The following MBD5 variants were observed in gnomAD, a reference collection of about 807,000 sequenced individuals.
The protein encoded by MBD5 is methyl-CpG-binding domain protein 5.
Under a neutral mutation model 117.3 loss-of-function variants are expected in MBD5, and 13 were observed. The observed-to-expected ratio is 0.11, with a 90% CI of 0.07 to 0.18. MBD5 has a LOEUF of 0.18. Among genes scored for constraint, MBD5 ranks in the 10% least tolerant of loss-of-function variants. MBD5 has a pLI of 1.00. For synonymous variants in MBD5, 727 were observed against 766.4 expected (o/e 0.95, Z 0.85); for missense variants, 1,879 against 2,093.8 (o/e 0.90, Z 2.00).
chr2:148,375,440 A>G (rs1703964604), intron 4 of MBD5, among the ~76,000 whole-genome samples: 1 of 152,182 alleles, frequency 6.6e-6, no homozygotes, highest in Non-Finnish European at 1.5e-5. Flanking sequence ...CTATGCACGA[A>G]TCTGAACACC....
At chr2:148,119,670 A>G (rs972675005) in intron 1 of MBD5, among the ~76,000 whole-genome samples, 1 of 152,068 alleles carries the variant, frequency 6.6e-6, no homozygotes, top group Non-Finnish European at 1.5e-5. Context: ...ATTTTGAGTT[A>G]ATTTTTATGT....
intron 3 of MBD5, among the ~76,000 whole-genome samples, chr2:148,311,218 G>T (rs1220910389): frequency 6.6e-6 from 1 of 152,080 alleles, no homozygotes; most frequent in African/African-American, 2.4e-5. Flanking sequence ...TTTCTGTCTA[G>T]CTGATCTGTC....
chr2:148,432,425 A>G (rs919656909), intron 4 of MBD5, among the ~76,000 whole-genome samples: 1 of 151,950 alleles, frequency 6.6e-6, no homozygotes, highest in Non-Finnish European at 1.5e-5. Context: ...TGCTGTGTTC[A>G]TCATGAAATC....
chr2:148,229,027 T>G (rs1699914034), intron 2 of MBD5, among the ~76,000 whole-genome samples: 1 of 152,168 alleles, frequency 6.6e-6, no homozygotes, highest in Admixed American at 6.5e-5. Context: ...TTGCTAGTGG[T>G]CTATCAATTT....
At chr2:148,108,584 A>G (rs1169994826) in intron 1 of MBD5, among the ~76,000 whole-genome samples, 1 of 152,056 alleles carries the variant, frequency 6.6e-6, no homozygotes, top group Non-Finnish European at 1.5e-5. Flanking sequence ...CTGATTCAGC[A>G]AATATTCTCA....
At chr2:148,236,097 C>T (rs1396062197) in intron 3 of MBD5, among the ~76,000 whole-genome samples, 1 of 152,086 alleles carries the variant, frequency 6.6e-6, no homozygotes, top group Non-Finnish European at 1.5e-5. Context: ...CCATACTGGC[C>T]TCCTTTTGAT....
chr2:148,199,713 T>C (rs957861563), intron 2 of MBD5, among the ~76,000 whole-genome samples: 3 of 151,986 alleles, frequency 2.0e-5, no homozygotes, highest in Non-Finnish European at 2.9e-5. Flanking sequence ...TGAGCCAAGA[T>C]TGCGCCACTG....
At chr2:148,370,579 A>T (rs772799398) in intron 4 of MBD5, among the ~76,000 whole-genome samples, 36 of 152,056 alleles carry the variant, frequency 2.4e-4, no homozygotes, top group Non-Finnish European at 4.9e-4. Context: ...ACCTCTGCCC[A>T]CTGGGCTCAA....
chr2:148,389,491 C>A (rs1432834373), intron 4 of MBD5, among the ~76,000 whole-genome samples: 1 of 151,136 alleles, frequency 6.6e-6, no homozygotes, highest in Non-Finnish European at 1.5e-5. Flanking sequence ...TATTTTTGTT[C>A]TTTGAGAAAT....
intron 1 of MBD5, among the ~76,000 whole-genome samples, chr2:148,090,734 A>T (rs112012808): frequency 1.1e-4 from 17 of 152,278 alleles, no homozygotes; most frequent in African/African-American, 2.2e-4. Flanking sequence ...CACAGCCAAC[A>T]TCATATGGAA....
intron 13 of MBD5, among the ~76,000 whole-genome samples, chr2:148,511,934 C>T (rs959396675): frequency 2.0e-5 from 3 of 152,122 alleles, no homozygotes; most frequent in Non-Finnish European, 2.9e-5. Flanking sequence ...GTAGTGGATC[C>T]GGAGAGGCGA....
intron 3 of MBD5, among the ~76,000 whole-genome samples, chr2:148,334,308 A>T (rs1702732551): frequency 6.6e-6 from 1 of 151,216 alleles, no homozygotes; most frequent in African/African-American, 2.4e-5. Flanking sequence ...ACTGTCACTC[A>T]TCTCTCATTC....
At chr2:148,137,618 C>T (rs1335220746) in intron 1 of MBD5, among the ~76,000 whole-genome samples, 2 of 152,100 alleles carry the variant, frequency 1.3e-5, no homozygotes, top group Admixed American at 6.6e-5. Flanking sequence ...CGAATCGAGT[C>T]GTACCTATCC....
At chr2:148,317,324 A>G (rs938501840) in intron 3 of MBD5, among the ~76,000 whole-genome samples, 2 of 152,014 alleles carry the variant, frequency 1.3e-5, no homozygotes, top group Admixed American at 6.6e-5. Context: ...AGCCGAGAAC[A>G]CACCATTGCA....
chr2:148,065,558 C>CA (rs200475499), intron 1 of MBD5, among the ~76,000 whole-genome samples: 1 of 151,864 alleles, frequency 6.6e-6, no homozygotes, highest in East Asian at 1.9e-4. Context: ...CAAAATATGT[C>CA]AAAAAAATCA....
intron 2 of MBD5, among the ~76,000 whole-genome samples, chr2:148,230,169 G>A: frequency 6.6e-6 from 1 of 152,148 alleles, no homozygotes; most frequent in East Asian, 1.9e-4. Context: ...GGCATGTCCA[G>A]AGGTGCCATG....
intron 11 of MBD5, among the ~76,000 whole-genome samples, chr2:148,500,408 G>A (rs757027862): frequency 1.1e-4 from 17 of 152,022 alleles, no homozygotes; most frequent in African/African-American, 3.4e-4. Context: ...TTCTGGTCAC[G>A]TTATTTAAAT....
At chr2:148,150,252 G>C (rs1284476499) in intron 1 of MBD5, among the ~76,000 whole-genome samples, 2 of 148,834 alleles carry the variant, frequency 1.3e-5, no homozygotes, top group African/African-American at 5.0e-5. Context: ...GATAGTTGTA[G>C]ATATGCGGCG....
intron 4 of MBD5, among the ~76,000 whole-genome samples, chr2:148,389,385 C>G (rs969592164): frequency 1.4e-5 from 2 of 145,486 alleles, no homozygotes; most frequent in Admixed American, 1.4e-4. Context: ...AATAGTATTG[C>G]AATGAACATA....
Sources: gnomAD v4.1 joint callset for allele counts (sites outside exome capture counted in the v4.1 genomes callset) on GRCh38, gnomAD v4.1.1 for gene constraint, MANE v1.5 for transcripts, NCBI Gene and HGNC (gene_info 2026-07-23, HGNC 2026-07-21) for gene names.